Variants in FMN2 observed in about 807,000 individuals in gnomAD.
FMN2 encodes the protein formin 2.
A neutral mutation model predicts 142.3 loss-of-function variants in FMN2; 51 were observed. That is an observed-to-expected ratio of 0.36 (90% confidence interval 0.29 to 0.45). The LOEUF (loss-of-function observed/expected upper bound fraction) is 0.45, where lower values mean the gene tolerates loss of function less well. Ranked by LOEUF, FMN2 falls within the 20% of genes least tolerant of loss-of-function variation. FMN2 has a pLI of 1.00. For missense variants in FMN2, 1,936 were observed against 2,122.8 expected (o/e 0.91, Z 1.73); for synonymous variants, 882 against 869.8 (o/e 1.01, Z -0.25).
intron 2 of FMN2, among the ~76,000 whole-genome samples, chr1:240,165,611 AT>A (rs1483276477): frequency 2.7e-5 from 4 of 148,698 alleles, no homozygotes; most frequent in African/African-American, 1.0e-4. Context: ...TTTATTTTTT[AT>A]TTATGTCTCC....
At chr1:240,121,365 T>G (rs1401336797) in intron 1 of FMN2, among the ~76,000 whole-genome samples, 3 of 148,462 alleles carry the variant, frequency 2.0e-5, no homozygotes, top group Non-Finnish European at 4.4e-5. Flanking sequence ...GCCAGTGTCT[T>G]ATTTTTTTTA....
intron 7 of FMN2, among the ~76,000 whole-genome samples, chr1:240,294,178 T>G (rs544114058): frequency 6.6e-6 from 1 of 152,236 alleles, no homozygotes; most frequent in East Asian, 1.9e-4. Context: ...AATACAAATT[T>G]CCCCAGGCAA....
At chr1:240,101,028 G>C (rs1661392145) in intron 1 of FMN2, among the ~76,000 whole-genome samples, 1 of 152,176 alleles carries the variant, frequency 6.6e-6, no homozygotes, top group Non-Finnish European at 1.5e-5. Flanking sequence ...TTTTAGGTAC[G>C]CAGGAGGGGA....
chr1:240,216,495 T>C (rs1432978456), intron 6 of FMN2, among the ~76,000 whole-genome samples: 1 of 152,132 alleles, frequency 6.6e-6, no homozygotes, highest in Non-Finnish European at 1.5e-5. Flanking sequence ...GCCCAGAGAA[T>C]GGGAGAAAAA....
At chr1:240,229,357 T>A (rs780541804) in intron 6 of FMN2, among the ~76,000 whole-genome samples, 2 of 152,078 alleles carry the variant, frequency 1.3e-5, no homozygotes, top group Non-Finnish European at 2.9e-5. Context: ...ACCTTATCCA[T>A]CTCCCTCCCT....
Position 240,093,291 on chromosome 1 carries a change from C to G in FMN2, c.1182C>G (p.Ala394=), listed in dbSNP as rs372473032. The change falls in exon 1 of 18, where the codon GCC becomes GCG. Residue 394 remains alanine, a synonymous_variant. Coordinates refer to ENST00000319653, the MANE Select transcript of FMN2 (RefSeq NM_020066.5). ...CGCAAGGACCTGACGCCCCCGCGGC[C>G]GCTTCCCTGCCCGGCAGCCCCGCGC... ...EEAQGPDAPA[A]ASLPGSPAPS... is the part of the protein sequence containing the mutation. 56 of 1,607,090 alleles carry G rather than the reference C, an allele frequency of 3.5e-5. No individual in the cohort carries two copies. Among genetic ancestry groups the G allele is most frequent in the African/African-American group, 8.1e-5 (6 of 74,072 alleles).
intron 15 of FMN2, among the ~76,000 whole-genome samples, chr1:240,396,134 A>G (rs1032782138): frequency 2.6e-5 from 4 of 152,170 alleles, no homozygotes; most frequent in African/African-American, 9.7e-5. Flanking sequence ...TAAAGTATGC[A>G]TTTTGTTTTT....
At chr1:240,218,281 CAAAAAAAAAA>C (rs60722656) in intron 6 of FMN2, among the ~76,000 whole-genome samples, 3 of 92,954 alleles carry the variant, frequency 3.2e-5, no homozygotes, top group Non-Finnish European at 4.2e-5. Flanking sequence ...GACTCTGTCT[CAAAAAAAAAA>C]AAAAAAAAAA....
chr1:240,202,611 C>A (rs935704497), intron 4 of FMN2, among the ~76,000 whole-genome samples: 5 of 151,996 alleles, frequency 3.3e-5, no homozygotes, highest in African/African-American at 4.8e-5. Flanking sequence ...TACAGGCACA[C>A]ACCACCACAC....
intron 2 of FMN2, 54 bp from the exon 3 acceptor site, chr1:240,177,867 A>AT (rs1664985450): frequency 3.4e-6 from 5 of 1,451,678 alleles, no homozygotes; most frequent in Non-Finnish European, 4.6e-6. Flanking sequence ...GTCATGGCTT[A>AT]TTTTTTTGTA....
chr1:240,192,772 A>G (rs1045669125), intron 4 of FMN2, among the ~76,000 whole-genome samples: 1 of 152,172 alleles, frequency 6.6e-6, no homozygotes, highest in African/African-American at 2.4e-5. Flanking sequence ...CCCTTAGGGC[A>G]GTGCTGACAT....
At chr1:240,232,094 G>T (rs2102848944) in intron 6 of FMN2, among the ~76,000 whole-genome samples, 1 of 151,440 alleles carries the variant, frequency 6.6e-6, no homozygotes, top group East Asian at 2.0e-4. Flanking sequence ...TTTTTGAGAT[G>T]GAGTCTTGCT....
At chr1:240,465,407 C>T (rs1464905099) in intron 16 of FMN2, among the ~76,000 whole-genome samples, 3 of 151,018 alleles carry the variant, frequency 2.0e-5, no homozygotes, top group Non-Finnish European at 2.9e-5. Context: ...TCTTTTTTCT[C>T]TCCCTCTACT....
At chr1:240,271,731 G>A (rs1669025002) in intron 7 of FMN2, among the ~76,000 whole-genome samples, 1 of 151,850 alleles carries the variant, frequency 6.6e-6, no homozygotes, top group Non-Finnish European at 1.5e-5. Flanking sequence ...TGAGATACTA[G>A]GCTTTCATAA....
chr1:240,204,396 T>G (rs1436179054), intron 4 of FMN2, among the ~76,000 whole-genome samples: 2 of 152,148 alleles, frequency 1.3e-5, no homozygotes, highest in Non-Finnish European at 2.9e-5. Context: ...GCCCAGGAGT[T>G]CGAGGCCAGC....
At chr1:240,436,173 G>A (rs976710156) in intron 15 of FMN2, among the ~76,000 whole-genome samples, 4 of 152,130 alleles carry the variant, frequency 2.6e-5, no homozygotes, top group African/African-American at 4.8e-5. Flanking sequence ...ATAGCCCGTG[G>A]CAGCCAGATC....
chr1:240,346,661 A>G (rs1357217766), intron 13 of FMN2, among the ~76,000 whole-genome samples: 2 of 152,212 alleles, frequency 1.3e-5, no homozygotes, highest in African/African-American at 2.4e-5. Context: ...TGTAACGTAC[A>G]TGTTATGTAT....
chr1:240,212,648 T>A (rs898051819), intron 6 of FMN2, among the ~76,000 whole-genome samples: 2 of 152,220 alleles, frequency 1.3e-5, no homozygotes, highest in Non-Finnish European at 2.9e-5. Flanking sequence ...AAAGGAGTAA[T>A]GGAAAATCAT....
At chr1:240,427,386 T>C (rs1456160643) in intron 15 of FMN2, among the ~76,000 whole-genome samples, 1 of 151,892 alleles carries the variant, frequency 6.6e-6, no homozygotes, top group Non-Finnish European at 1.5e-5. Context: ...TTTGTGTTTT[T>C]AGTAGAGACG....
Sources: allele counts gnomAD v4.1 joint callset (sites outside exome capture counted in the v4.1 genomes callset), GRCh38; gene constraint gnomAD v4.1.1; transcripts MANE v1.5; gene names NCBI Gene and HGNC (gene_info 2026-07-23, HGNC 2026-07-21).